Variants in CTNNA2 observed in about 807,000 individuals in gnomAD.
CTNNA2 encodes the protein catenin alpha-2.
Under a neutral mutation model 101.0 loss-of-function variants are expected in CTNNA2, and 42 were observed. That is an observed-to-expected ratio of 0.42 (90% CI 0.32 to 0.54). CTNNA2 has a LOEUF of 0.54. Ranked by LOEUF, CTNNA2 falls within the 20% of genes least tolerant of loss-of-function variation. The probability of loss-of-function intolerance (pLI) is 0.14; values close to 1 mark genes in which losing one functional copy is unlikely to be tolerated. For missense variants in CTNNA2, 871 were observed against 1,223.1 expected (o/e 0.71, Z 4.29); for synonymous variants, 450 against 456.4 (o/e 0.99, Z 0.18).
chr2:80,180,441 A>G (rs1705700649), intron 7 of CTNNA2, among the ~76,000 whole-genome samples: 1 of 152,256 alleles, frequency 6.6e-6, no homozygotes, highest in Admixed American at 6.5e-5. Flanking sequence ...AGAGCTCTAC[A>G]TGAGTCAGAC....
chr2:79,440,077 C>T (rs1678760677), intron 4 of CTNNA2, among the ~76,000 whole-genome samples: 2 of 151,426 alleles, frequency 1.3e-5, no homozygotes, highest in Admixed American at 1.3e-4. Flanking sequence ...GTATGTTATC[C>T]CTGGATCTTG....
intron 2 of CTNNA2, among the ~76,000 whole-genome samples, chr2:79,250,983 G>A (rs57066742): frequency 0.036 from 5,435 of 152,060 alleles, 268 homozygotes; most frequent in African/African-American, 0.11. Flanking sequence ...GTTTATTTGG[G>A]AAAAAAATGA....
At chr2:80,202,480 A>G (rs1157725618) in intron 7 of CTNNA2, among the ~76,000 whole-genome samples, 6 of 152,248 alleles carry the variant, frequency 3.9e-5, no homozygotes, top group Non-Finnish European at 5.9e-5. Flanking sequence ...ATGATTGACC[A>G]TACCATAGGT....
intron 7 of CTNNA2, among the ~76,000 whole-genome samples, chr2:79,968,999 C>T (rs1317744192): frequency 6.6e-6 from 1 of 152,058 alleles, no homozygotes; most frequent in Non-Finnish European, 1.5e-5. Context: ...TATGATTATC[C>T]TTATTTAATT....
chr2:79,363,664 G>T (rs1407838746), intron 3 of CTNNA2, among the ~76,000 whole-genome samples: 2 of 152,056 alleles, frequency 1.3e-5, no homozygotes, highest in African/African-American at 4.8e-5. Flanking sequence ...CTTGGTTAGG[G>T]ACCATCTCTG....
intron 7 of CTNNA2, among the ~76,000 whole-genome samples, chr2:80,050,210 C>T (rs2104326570): frequency 6.6e-6 from 1 of 152,270 alleles, no homozygotes; most frequent in Non-Finnish European, 1.5e-5. Flanking sequence ...ATTTTTAAAA[C>T]CTAGTTGCAC....
upstream of CTNNA2, among the ~76,000 whole-genome samples, chr2:79,511,738 T>C (rs1217170324): frequency 6.6e-6 from 1 of 152,122 alleles, no homozygotes; most frequent in Admixed American, 6.5e-5. Flanking sequence ...AGTAGGATTT[T>C]ATGTAATTTT....
At chr2:79,711,619 T>G (rs1685745416) in intron 2 of CTNNA2, among the ~76,000 whole-genome samples, 1 of 152,158 alleles carries the variant, frequency 6.6e-6, no homozygotes, top group African/African-American at 2.4e-5. Context: ...ACAAATAAGG[T>G]AGAAAGCAGA....
At chr2:80,117,271 C>G (rs954887092) in intron 7 of CTNNA2, among the ~76,000 whole-genome samples, 2 of 152,110 alleles carry the variant, frequency 1.3e-5, no homozygotes, top group African/African-American at 4.8e-5. Context: ...TAGTTCTTTA[C>G]TCTAATGGAG....
intron 9 of CTNNA2, among the ~76,000 whole-genome samples, chr2:80,510,801 C>T (rs189236042): frequency 6.6e-6 from 1 of 152,238 alleles, no homozygotes; most frequent in African/African-American, 2.4e-5. Context: ...ATCTATAATC[C>T]TGGAATAGAC....
At chr2:79,217,380 G>T (rs549625989) in intron 2 of CTNNA2, among the ~76,000 whole-genome samples, 2 of 152,280 alleles carry the variant, frequency 1.3e-5, no homozygotes, top group South Asian at 4.1e-4. Context: ...TTTCACCTGG[G>T]TGCAGGGGGG....
Position 80,200,890 on chromosome 2 carries a change from C to G in CTNNA2, c.1057-192321C>G, listed in dbSNP as rs527605230. Among the ~76,000 whole-genome samples, 3 of 151,158 alleles carry G rather than the reference C, an allele frequency of 2.0e-5. No homozygotes were observed. In the South Asian group the frequency reaches 6.3e-4, roughly 32 times the overall value. ...TTGGTTTTTTTTTTTCCTGTACCTTCTCAGTGTCTTGGGATGGGATCCATG... is the reference window on the plus strand; with the variant it reads ...TTGGTTTTTTTTTTTCCTGTACCTTGTCAGTGTCTTGGGATGGGATCCATG... On this transcript the variant is annotated intron_variant, in intron 7 of 18. Transcript: ENST00000402739.
At chr2:80,140,520 C>T (rs1173137327) in intron 7 of CTNNA2, among the ~76,000 whole-genome samples, 1 of 152,122 alleles carries the variant, frequency 6.6e-6, no homozygotes, top group African/African-American at 2.4e-5. Context: ...CCTCATTTCT[C>T]ATGTGAGAGG....
At chr2:80,066,265 A>G (rs185338334) in intron 7 of CTNNA2, among the ~76,000 whole-genome samples, 158 of 152,328 alleles carry the variant, frequency 1.0e-3, no homozygotes, top group African/African-American at 3.6e-3. Context: ...GAAACAAGCA[A>G]CAGATTGAAG....
intron 2 of CTNNA2, among the ~76,000 whole-genome samples, chr2:79,734,916 A>G (rs1301163133): frequency 1.3e-5 from 2 of 152,168 alleles, no homozygotes; most frequent in Non-Finnish European, 2.9e-5. Context: ...ACCTTAGAGA[A>G]TACACAATGA....
At chr2:79,549,732 A>G (rs1673970673) in intron 1 of CTNNA2, among the ~76,000 whole-genome samples, 1 of 152,172 alleles carries the variant, frequency 6.6e-6, no homozygotes, top group South Asian at 2.1e-4. Flanking sequence ...GTCAGGACTC[A>G]TCTGTTTTTT....
intron 1 of CTNNA2, among the ~76,000 whole-genome samples, chr2:79,536,455 A>T (rs958118365): frequency 6.6e-6 from 1 of 152,190 alleles, no homozygotes; most frequent in Non-Finnish European, 1.5e-5. Flanking sequence ...TCCAGATACC[A>T]GTAGTACAAT....
chr2:79,292,031 G>C (rs988394191), intron 2 of CTNNA2, among the ~76,000 whole-genome samples: 1 of 152,138 alleles, frequency 6.6e-6, no homozygotes, highest in Non-Finnish European at 1.5e-5. Context: ...GGGGGTGGTT[G>C]ATTGGCTGTT....
intron 4 of CTNNA2, among the ~76,000 whole-genome samples, chr2:79,430,191 A>G (rs141545483): frequency 6.6e-6 from 1 of 152,064 alleles, no homozygotes; most frequent in African/African-American, 2.4e-5. Context: ...CTGAGTGATG[A>G]TCATTTGAAC....
Sources: allele counts gnomAD v4.1 joint callset (sites outside exome capture counted in the v4.1 genomes callset), GRCh38; gene constraint gnomAD v4.1.1; transcripts MANE v1.5; gene names NCBI Gene and HGNC (gene_info 2026-07-23, HGNC 2026-07-21).